Variants in KRABD1 observed in about 807,000 individuals in gnomAD.
The protein encoded by KRABD1 is KRAB domain-containing protein 1.
the KRABD1 span, among the ~76,000 whole-genome samples, chr3:42,939,865 C>T: frequency 6.6e-6 from 1 of 152,090 alleles, no homozygotes. Context: ...TTTTATTACA[C>T]TGTACCTTTT....
At chr3:42,941,242 A>C in the KRABD1 span, 1 of 1,566,118 alleles carries the variant, frequency 6.4e-7, no homozygotes, top group Admixed American at 1.9e-5. Context: ...GTGGCTTTTG[A>C]GGACGTGGCT....
chr3:42,942,597 T>C, the KRABD1 span: 32 of 1,448,594 alleles, frequency 2.2e-5, no homozygotes, highest in Admixed American at 6.8e-4. Context: ...TAGAATAGTA[T>C]CAAAAATTTT....
chr3:42,936,812 C>T, the KRABD1 span: 1 of 152,250 alleles, frequency 6.6e-6, no homozygotes, highest in Non-Finnish European at 1.5e-5. Flanking sequence ...TACCCCTCAG[C>T]TTGTCAGTTT....
chr3:42,942,697 C>T, the KRABD1 span: 1 of 612,642 alleles, frequency 1.6e-6, no homozygotes, highest in Non-Finnish European at 2.7e-6. Context: ...GATGTAAGAG[C>T]CACCTTAAAC....
chr3:42,941,233 T>A, the KRABD1 span: 1 of 1,559,640 alleles, frequency 6.4e-7, no homozygotes, highest in South Asian at 1.2e-5. Context: ...CAGGAATCAG[T>A]GGCTTTTGAG....
the KRABD1 span, chr3:42,936,965 A>C: frequency 1.3e-5 from 2 of 152,188 alleles, no homozygotes; most frequent in Admixed American, 6.5e-5. Context: ...ACCCGTCCCC[A>C]GGATGTCCCA....
chr3:42,940,065 ACAT>A, the KRABD1 span, among the ~76,000 whole-genome samples: 1 of 152,202 alleles, frequency 6.6e-6, no homozygotes, highest in Admixed American at 6.5e-5. Flanking sequence ...TCTTACTCAG[ACAT>A]CATCAAGATG....
chr3:42,936,394 C>A, the KRABD1 span: 1 of 152,228 alleles, frequency 6.6e-6, no homozygotes, highest in Admixed American at 6.5e-5. Flanking sequence ...TTGTGAGGAT[C>A]GGCGAGTGGC....
chr3:42,940,478 G>A, the KRABD1 span, among the ~76,000 whole-genome samples: 5 of 152,090 alleles, frequency 3.3e-5, no homozygotes, highest in Non-Finnish European at 7.4e-5. Context: ...TTGGCACTTG[G>A]CTCATAGGTT....
chr3:42,942,032 G>A, the KRABD1 span: 1 of 1,535,972 alleles, frequency 6.5e-7, no homozygotes, highest in Non-Finnish European at 8.7e-7. Flanking sequence ...CCAGCCACAG[G>A]GAGTCCTAAG....
the KRABD1 span, among the ~76,000 whole-genome samples, chr3:42,939,605 A>G: frequency 6.6e-6 from 1 of 152,114 alleles, no homozygotes; most frequent in Admixed American, 6.6e-5. Flanking sequence ...CATAGGGTAT[A>G]TATACATTTG....
At chr3:42,936,612 C>G in the KRABD1 span, 13 of 152,356 alleles carry the variant, frequency 8.5e-5, no homozygotes, top group Non-Finnish European at 1.8e-4. Context: ...GCTCCCACCC[C>G]CCTCGTTTCC....
At chr3:42,940,530 G>T in the KRABD1 span, among the ~76,000 whole-genome samples, 1 of 152,124 alleles carries the variant, frequency 6.6e-6, no homozygotes, top group Non-Finnish European at 1.5e-5. Flanking sequence ...TTCCACTAGA[G>T]CTCTATTTCT....
chr3:42,937,050 G>C, the KRABD1 span: 2 of 152,206 alleles, frequency 1.3e-5, no homozygotes, highest in Admixed American at 1.3e-4. Context: ...GATCGTATCC[G>C]TCATGCACCT....
chr3:42,941,821 T>C, the KRABD1 span: 1 of 619,556 alleles, frequency 1.6e-6, no homozygotes, highest in East Asian at 2.8e-5. Flanking sequence ...TCCCAGTACC[T>C]CTTTAGGGTA....
chr3:42,942,141 G>C, the KRABD1 span: 17 of 1,067,946 alleles, frequency 1.6e-5, no homozygotes, highest in Admixed American at 3.2e-4. Flanking sequence ...AAAATGAAAG[G>C]TGTGTGTTCT....
At chr3:42,942,161 G>A in the KRABD1 span, 1 of 866,752 alleles carries the variant, frequency 1.2e-6, no homozygotes, top group South Asian at 1.4e-5. Context: ...TCTGTGCCCA[G>A]CATCATGGAG....
chr3:42,938,915 T>C, the KRABD1 span: 1 of 1,532,750 alleles, frequency 6.5e-7, no homozygotes, highest in Non-Finnish European at 8.7e-7. Flanking sequence ...GCTGTGTCCT[T>C]AACAACCAGG....
the KRABD1 span, chr3:42,942,708 G>A: frequency 9.3e-6 from 5 of 536,318 alleles, no homozygotes; most frequent in South Asian, 7.2e-5. Flanking sequence ...CACCTTAAAC[G>A]ATGTCAAATA....
Sources: gnomAD v4.1 joint callset for allele counts (sites outside exome capture counted in the v4.1 genomes callset) on GRCh38, gnomAD v4.1.1 for gene constraint, MANE v1.5 for transcripts, NCBI Gene and HGNC (gene_info 2026-07-23, HGNC 2026-07-21) for gene names.